SDK1: variants seen among roughly 807,000 people sequenced by gnomAD.
The protein encoded by SDK1 is protein sidekick-1.
A neutral mutation model predicts 245.5 loss-of-function variants in SDK1; 157 were observed. The observed-to-expected ratio is 0.64, with a 90% CI of 0.56 to 0.73. The LOEUF is 0.73. Among genes scored for constraint, SDK1 ranks in the 30% least tolerant of loss-of-function variants. The pLI, the probability that SDK1 is intolerant of heterozygous loss-of-function variation, is 0.00. For synonymous variants in SDK1, 1,647 were observed against 1,278.5 expected (o/e 1.29, Z -6.15); for missense variants, 3,583 against 3,002.3 (o/e 1.19, Z -4.52).
At position 4,175,664 on chromosome 7, in the gene SDK1, A is replaced by C. The variant is rs930947730; in HGVS notation, c.4937-111A>C. The C allele has an allele frequency of 1.1e-5, 10 of 879,356 alleles. No individual in the cohort carries two copies. In the African/African-American group the frequency reaches 1.6e-4, roughly 14 times the overall value. The allele number at this position is 879,356 out of a possible 1,614,324, so 54.5% of individuals were successfully genotyped here. A position where few individuals can be genotyped will look rare whatever the true frequency, so the allele number is the denominator to read the frequency against. ...TTGCCCCGGGAGGCGCAGCGTGGGA[A>C]GTGGCTGGCATCCCAGTAAGGCACC... On this transcript the variant is annotated intron_variant, in intron 33 of 44. Coordinates refer to ENST00000404826, the MANE Select transcript of SDK1 (RefSeq NM_152744.4).
chr7:3,653,939 G>A lies in SDK1; in HGVS notation c.713+11834G>A, dbSNP rs115341022. On this transcript the variant is annotated intron_variant, in intron 4 of 44. Coordinates refer to ENST00000404826, the MANE Select transcript of SDK1 (RefSeq NM_152744.4). ...TTAACAGAAGAGAATGAGCAAGAAA[G>A]TGGTTTGCCAAGTAATGTTCAGAGA... Among the ~76,000 whole-genome samples, 394 of 152,316 alleles carry A rather than the reference G, an allele frequency of 2.6e-3. 2 individuals are homozygous for A. The highest frequency in any genetic ancestry group is 9.1e-3 in the African/African-American group (377 of 41,560).
At chr7:3,832,691 T>C (rs1271340018) in intron 5 of SDK1, among the ~76,000 whole-genome samples, 3 of 152,212 alleles carry the variant, frequency 2.0e-5, no homozygotes, top group Non-Finnish European at 4.4e-5. Context: ...CAGAAATTTA[T>C]CTGGAGATGT....
intron 28 of SDK1, among the ~76,000 whole-genome samples, chr7:4,137,955 A>C (rs542127664): frequency 6.6e-6 from 1 of 152,204 alleles, no homozygotes. Flanking sequence ...TCTATTGTCC[A>C]TCGAGTCTAG....
intron 4 of SDK1, among the ~76,000 whole-genome samples, chr7:3,691,860 A>C (rs1367418897): frequency 6.6e-6 from 1 of 152,198 alleles, no homozygotes; most frequent in Non-Finnish European, 1.5e-5. Flanking sequence ...TAAGGCAGGT[A>C]ATGTGAGGCA....
chr7:4,062,345 A>T (rs1779595803), intron 19 of SDK1, among the ~76,000 whole-genome samples: 5 of 152,170 alleles, frequency 3.3e-5, no homozygotes, highest in Admixed American at 3.3e-4. Context: ...TACACTAACA[A>T]ATTGGAAAAC....
At chr7:3,363,398 C>T (rs749375392) in intron 1 of SDK1, among the ~76,000 whole-genome samples, 1 of 151,798 alleles carries the variant, frequency 6.6e-6, no homozygotes, top group East Asian at 1.9e-4. Context: ...TTCCATGTTT[C>T]GGTGGTTACA....
At chr7:3,479,861 C>CAAA (rs200021941) in intron 1 of SDK1, among the ~76,000 whole-genome samples, 58 of 132,268 alleles carry the variant, frequency 4.4e-4, no homozygotes, top group African/African-American at 7.5e-4. Flanking sequence ...GAGTCCATCT[C>CAAA]AAAAAAAAAA....
At chr7:3,628,407 C>A (rs184693367) in intron 2 of SDK1, among the ~76,000 whole-genome samples, 1 of 152,070 alleles carries the variant, frequency 6.6e-6, no homozygotes, top group Admixed American at 6.5e-5. Flanking sequence ...TTTCTTAATA[C>A]CTATGGGGTC....
At chr7:3,353,881 A>C (rs1331481047) in intron 1 of SDK1, among the ~76,000 whole-genome samples, 1 of 105,714 alleles carries the variant, frequency 9.5e-6, no homozygotes, top group Non-Finnish European at 1.9e-5. Flanking sequence ...GTACGTCTTC[A>C]CGTCCTCCTC....
chr7:4,139,002 A>G (rs868528135), intron 28 of SDK1, among the ~76,000 whole-genome samples: 2 of 152,216 alleles, frequency 1.3e-5, no homozygotes, highest in Admixed American at 6.5e-5. Context: ...GGTGCCCCCA[A>G]CAGCCCTTAG....
rs1562770671 is a variant in SDK1, at chr7:4,074,905, TATATATA to T, written c.3011-2092_3011-2086del. Among the ~76,000 whole-genome samples, 2 of 88,110 alleles carry T rather than the reference TATATATA, an allele frequency of 2.3e-5. 1 individual carries two copies. The highest frequency in any genetic ancestry group is 1.4e-4 in the African/African-American group (2 of 14,344). The allele number at this position is 88,110 out of a possible 152,430, so 57.8% of individuals were successfully genotyped here. ...CTCTCTGTATATATATATATATATA[TATATATA>T]TATATTTTTTTTTTTTTTTAATAAA... On this transcript the variant is annotated intron_variant, in intron 20 of 44. Coordinates refer to ENST00000404826, the MANE Select transcript of SDK1 (RefSeq NM_152744.4).
chr7:4,003,007 C>T (rs2128145156), intron 14 of SDK1, among the ~76,000 whole-genome samples: 1 of 152,334 alleles, frequency 6.6e-6, no homozygotes, highest in South Asian at 2.1e-4. Context: ...TGCTCCACCC[C>T]ATGGGCATCA....
At chr7:4,066,770 C>G (rs1237803265) in intron 19 of SDK1, among the ~76,000 whole-genome samples, 1 of 152,224 alleles carries the variant, frequency 6.6e-6, no homozygotes, top group Non-Finnish European at 1.5e-5. Context: ...TCCCTGCTGT[C>G]CGGCCAGCAG....
At chr7:3,903,617 C>G (rs911976145) in intron 5 of SDK1, among the ~76,000 whole-genome samples, 1 of 152,120 alleles carries the variant, frequency 6.6e-6, no homozygotes, top group African/African-American at 2.4e-5. Context: ...AATACCACTC[C>G]TAGGTATGTA....
chr7:3,405,766 C>T (rs1018216027), intron 1 of SDK1, among the ~76,000 whole-genome samples: 1 of 151,020 alleles, frequency 6.6e-6, no homozygotes, highest in African/African-American at 2.4e-5. Context: ...TTATTTACTG[C>T]TTCAGTGTAG....
chr7:3,302,565 G>C (rs1779303787), intron 1 of SDK1: 1 of 151,960 alleles, frequency 6.6e-6, no homozygotes, highest in Non-Finnish European at 1.5e-5. Flanking sequence ...CGAGAGATGG[G>C]ATCTCTTGTG....
intron 4 of SDK1, among the ~76,000 whole-genome samples, chr7:3,663,315 T>C (rs948075525): frequency 2.0e-5 from 3 of 152,164 alleles, no homozygotes; most frequent in Non-Finnish European, 4.4e-5. Context: ...GGGATAATTG[T>C]AGGTGGAGTG....
chr7:3,325,002 G>A (rs992883933), intron 1 of SDK1, among the ~76,000 whole-genome samples: 1 of 152,102 alleles, frequency 6.6e-6, no homozygotes, highest in Admixed American at 6.5e-5. Flanking sequence ...GTAGATTCTG[G>A]TGGTGGAGCA....
chr7:3,938,645 C>CAAAAAAAAAAA (rs559065786), intron 5 of SDK1, among the ~76,000 whole-genome samples: 72 of 90,586 alleles, frequency 7.9e-4, no homozygotes, highest in African/African-American at 3.6e-3. Flanking sequence ...GACTCCGTCT[C>CAAAAAAAAAAA]AAAAAAAAAA....
Sources: allele counts gnomAD v4.1 joint callset (sites outside exome capture counted in the v4.1 genomes callset), GRCh38; gene constraint gnomAD v4.1.1; transcripts MANE v1.5; gene names NCBI Gene and HGNC (gene_info 2026-07-23, HGNC 2026-07-21).